The following POLG2 variants were observed in gnomAD, a reference collection of about 807,000 sequenced individuals.
POLG2 encodes the protein DNA polymerase gamma 2, accessory subunit, also known as DNA polymerase subunit gamma-2.
POLG2 carries 50 observed loss-of-function variants against 56.5 expected under a neutral mutation model. The ratio of observed to expected loss-of-function variants is 0.88; its 90% confidence interval spans 0.71 to 1.12. The LOEUF is 1.12. Ranked by LOEUF, POLG2 falls within the 50% of genes most tolerant of loss-of-function variation. The pLI is 0.00. For synonymous variants in POLG2, 226 were observed against 222.6 expected, an observed-to-expected ratio of 1.02 and a Z score of -0.14; for missense variants, 584 against 583.3, an observed-to-expected ratio of 1.00 and a Z score of -0.01.
intron 4 of POLG2, chr17:64,487,442 C>T (rs964533502): frequency 5.3e-5 from 8 of 151,924 alleles, no homozygotes; most frequent in Admixed American, 5.2e-4. Flanking sequence ...GGTAAAACCC[C>T]ACCTCTACTA....
chr17:64,493,151 C>T lies in POLG2; in HGVS notation c.563-130G>A, dbSNP rs2038092483. The T allele has an allele frequency of 4.9e-6, 5 of 1,016,564 alleles. No individual in the cohort carries two copies. In the Admixed American group the frequency reaches 7.5e-5, roughly 15 times the overall value. The allele number at this position is 1,016,564 out of a possible 1,614,324, so 63.0% of individuals were successfully genotyped here. A position where few individuals can be genotyped will look rare whatever the true frequency, so the allele number is the denominator to read the frequency against. ...GACAGATGTTGGCTAAGCTTGGTGG[C>T]TCACGCCTATAATCCCAGCACTTTG... On this transcript the variant is annotated intron_variant, in intron 1 of 7. Coordinates refer to ENST00000539111, the MANE Select transcript of POLG2 (RefSeq NM_007215.4).
intron 4 of POLG2, among the ~76,000 whole-genome samples, chr17:64,488,721 C>T (rs953698370): frequency 6.6e-6 from 1 of 152,092 alleles, no homozygotes; most frequent in East Asian, 1.9e-4. Flanking sequence ...AAATGTTCAC[C>T]AGTTAATAAG....
chr17:64,477,892 C>T lies in POLG2; in HGVS notation c.1389G>A (p.Lys463=), dbSNP rs2037791705. The change falls in exon 8 of 8, where the codon AAG becomes AAA. Residue 463 remains lysine (K), a synonymous_variant. Transcript: ENST00000539111. ...TTAATTTGGATATATGCATCATTTC[C>T]TTCATTGTGGTGTCTCTGCTTCTCA... is the stretch of plus-strand genomic sequence containing the variant. The part of the protein sequence containing the change: ...IHLRSRDTTM[K]EMMHISKLKD... 3.1e-6 allele frequency: 5 copies of T among 1,613,356 alleles called. No individual in the cohort carries two copies. In the East Asian group the frequency reaches 1.1e-4, roughly 36 times the overall value.
chr17:64,478,166 T>A (rs2037798872), intron 7 of POLG2, among the ~76,000 whole-genome samples, 178 bp from the exon 8 acceptor site: 1 of 152,210 alleles, frequency 6.6e-6, no homozygotes, highest in East Asian at 1.9e-4. Context: ...AAGTAATATT[T>A]TCAGACAGTT....
At position 64,490,985 on chromosome 17, in the gene POLG2, T is replaced by G. The variant is rs1555668382; in HGVS notation, c.796-16A>C. 3.1e-6 allele frequency: 5 copies of G among 1,597,332 alleles called. No individual in the cohort carries two copies. Among genetic ancestry groups the G allele is most frequent in the Non-Finnish European group, 2.6e-6 (3 of 1,164,772 alleles). Reference sequence around the variant, plus strand: ...TCATGGCAAACTGGAAAAGAAAATTTAAGTTTGTCTTAACATATTTAAATA... The same window carrying G: ...TCATGGCAAACTGGAAAAGAAAATTGAAGTTTGTCTTAACATATTTAAATA... On this transcript the variant is annotated splice_polypyrimidine_tract_variant and intron_variant, in intron 3 of 7. Transcript: ENST00000539111.
intron 4 of POLG2, 63 bp downstream of exon 4, chr17:64,490,733 G>T: frequency 7.6e-7 from 1 of 1,316,902 alleles, no homozygotes; most frequent in Non-Finnish European, 1.1e-6. Flanking sequence ...ATTCTCAAAT[G>T]GTTCGGAAAT....
At chr17:64,492,617 T>G in intron 3 of POLG2, 50 bp downstream of exon 3, 1 of 1,065,272 alleles carries the variant, frequency 9.4e-7, no homozygotes, top group East Asian at 2.5e-5. Context: ...ACTGACACAT[T>G]AAGACAATTT....
At chr17:64,481,649 G>A (rs921041201) in intron 6 of POLG2, among the ~76,000 whole-genome samples, 4 of 152,076 alleles carry the variant, frequency 2.6e-5, no homozygotes, top group African/African-American at 7.2e-5. Flanking sequence ...GAGGTGGGCG[G>A]ATCACTTGAG....
intron 4 of POLG2, among the ~76,000 whole-genome samples, chr17:64,488,147 T>G (rs1472176511): frequency 6.6e-6 from 1 of 152,216 alleles, no homozygotes; most frequent in Non-Finnish European, 1.5e-5. Flanking sequence ...GAGGATTGCT[T>G]GAGCCCAGGA....
At chr17:64,482,750 A>T (rs1369682878) in intron 6 of POLG2, among the ~76,000 whole-genome samples, 169 bp downstream of exon 6, 11 of 152,214 alleles carry the variant, frequency 7.2e-5, no homozygotes, top group Admixed American at 7.2e-4. Flanking sequence ...AAAACCTGAA[A>T]CCTTGAGTTC....
In POLG2 at chr17:64,490,892, G is replaced by A. The variant is rs1555668353; in HGVS notation, c.873C>T (p.Tyr291=). Residue 291 remains tyrosine (Y), a synonymous_variant, in exon 4 of 8, where the codon TAC becomes TAT. Transcript: ENST00000539111. The part of the protein sequence containing the change: ...EEGRKGNKLY[Y]NFPWGKELIE... ...TTAACTCCTTTCCCCAGGGAAAATT[G>A]TAGTAAAGTTTGTTTCCTTTCCGGC... 3 of 1,613,660 alleles carry A rather than the reference G, an allele frequency of 1.9e-6. No individual in the cohort carries two copies. The highest frequency in any genetic ancestry group is 4.5e-5 in the East Asian group (2 of 44,866).
At position 64,482,938 on chromosome 17, in the gene POLG2, G is replaced by A. The variant is rs782012222; in HGVS notation, c.1172C>T (p.Pro391Leu). The change falls in exon 6 of 8, where the codon CCC becomes CTC. Residue 391 changes from proline (P) to leucine (L), a missense_variant. Physicochemically the swap from Pro to Leu is moderately conservative, Grantham distance 98. Transcript: ENST00000539111. ...ACTCACCTGTCTTAGTTCCAATGTGGGGCCTCTTCCTACATCCAAAGCAAC... is the reference window on the plus strand; with the variant it reads ...ACTCACCTGTCTTAGTTCCAATGTGAGGCCTCTTCCTACATCCAAAGCAAC... ...IKVALDVGRG[P>L]TLELRQVCQG... 5.0e-6 allele frequency: 8 copies of A among 1,594,264 alleles called. No individual in the cohort carries two copies. The highest frequency in any genetic ancestry group is 3.3e-4 in the Middle Eastern group (2 of 6,010).
chr17:64,482,360 C>CGTT (rs1354787790), intron 6 of POLG2, among the ~76,000 whole-genome samples: 1 of 146,336 alleles, frequency 6.8e-6, no homozygotes, highest in Non-Finnish European at 1.5e-5. Flanking sequence ...GAGTCTCTGT[C>CGTT]GCCCAGGCTG....
At position 64,485,666 on chromosome 17, in the gene POLG2, T is replaced by G. The variant is rs782310958; in HGVS notation, c.1110+62A>C. 6.9e-6 allele frequency: 9 copies of G among 1,301,330 alleles called. No individual in the cohort carries two copies. The Middle Eastern group carries it at 5.5e-4, about 79-fold the overall frequency. The allele number at this position is 1,301,330 out of a possible 1,614,324, so 80.6% of individuals were successfully genotyped here. On this transcript the variant is annotated intron_variant, in intron 5 of 7. Transcript: ENST00000539111. ...ATGTTAGAAACCGAGCACACTAACA[T>G]TAAGAACAAACAAACCCATATTTTT...
chr17:64,492,000 T>C (rs2038069861), intron 3 of POLG2, among the ~76,000 whole-genome samples: 4 of 149,694 alleles, frequency 2.7e-5, no homozygotes, highest in African/African-American at 7.4e-5. Context: ...AAATACTGAG[T>C]ATATTGCTTA....
At chr17:64,481,412 C>T (rs2037853244) in intron 6 of POLG2, 5 of 985,258 alleles carry the variant, frequency 5.1e-6, no homozygotes, top group Non-Finnish European at 6.0e-6. Flanking sequence ...GGGTCTCAAT[C>T]ACCCAGACAG....
chr17:64,480,265 CTT>C, intron 7 of POLG2, 22 bp downstream of exon 7: 1 of 1,104,736 alleles, frequency 9.1e-7, no homozygotes, highest in Admixed American at 1.8e-5. Context: ...TAAATACACT[CTT>C]TAATGAAAAT....
chr17:64,495,860 C>T (rs1367435363), intron 1 of POLG2, among the ~76,000 whole-genome samples: 3 of 152,042 alleles, frequency 2.0e-5, no homozygotes, highest in South Asian at 2.1e-4. Flanking sequence ...AGGCGCTCGC[C>T]GTCACGGCCG....
intron 4 of POLG2, among the ~76,000 whole-genome samples, chr17:64,490,128 T>C (rs373695095): frequency 2.6e-5 from 4 of 152,144 alleles, no homozygotes; most frequent in African/African-American, 9.7e-5. Context: ...TTTCACCACA[T>C]TGGCCAGGAT....
Sources: gnomAD v4.1 joint callset for allele counts (sites outside exome capture counted in the v4.1 genomes callset) on GRCh38, gnomAD v4.1.1 for gene constraint, MANE v1.5 for transcripts, NCBI Gene and HGNC (gene_info 2026-07-23, HGNC 2026-07-21) for gene names.